DIAPH2: variants seen among roughly 807,000 people sequenced by gnomAD.
The protein encoded by DIAPH2 is diaphanous related formin 2.
Under a neutral mutation model 92.7 loss-of-function variants are expected in DIAPH2, and 35 were observed. The observed-to-expected ratio is 0.38, with a 90% confidence interval of 0.29 to 0.50. The LOEUF (loss-of-function observed/expected upper bound fraction) is 0.50. Among genes scored for constraint, DIAPH2 ranks in the 20% least tolerant of loss-of-function variants. The pLI, the probability that DIAPH2 is intolerant of heterozygous loss-of-function variation, is 0.94. For missense variants in DIAPH2, 701 were observed against 819.5 expected, an observed-to-expected ratio of 0.86 and a Z score of 1.77; for synonymous variants, 301 against 280.4, an observed-to-expected ratio of 1.07 and a Z score of -0.73.
At chrX:97,011,995 T>C (rs1202212194) in intron 17 of DIAPH2, among the ~76,000 whole-genome samples, 1 of 109,245 alleles carries the variant, frequency 9.2e-6, no homozygotes, top group Non-Finnish European at 1.9e-5. Context: ...TAAGGCACTG[T>C]TAGAGAATGA....
intron 26 of DIAPH2, among the ~76,000 whole-genome samples, chrX:97,582,300 G>A (rs1457957352): frequency 3.3e-5 from 2 of 59,707 alleles, no homozygotes; most frequent in African/African-American, 6.5e-5. Context: ...ATTTTGCAGC[G>A]GCTGGTACCG....
At chrX:97,302,387 C>T (rs1176486430) in intron 23 of DIAPH2, among the ~76,000 whole-genome samples, 2 of 105,676 alleles carry the variant, frequency 1.9e-5, no homozygotes, top group African/African-American at 3.5e-5. Flanking sequence ...AAAAATTAGC[C>T]GGGTGTGGTG....
At chrX:97,469,637 TG>T (rs2070545222) in intron 26 of DIAPH2, 5 of 1,093,833 alleles carry the variant, frequency 4.6e-6, no homozygotes, top group Non-Finnish European at 5.0e-6. Context: ...AGGTGCATTA[TG>T]TTTTTTTATT....
rs1366831926 is a variant in DIAPH2, at chrX:97,471,672, G to A, written c.3241+41927G>A. On this transcript the variant is annotated intron_variant, in intron 26 of 26. Coordinates refer to ENST00000324765, the MANE Select transcript of DIAPH2 (RefSeq NM_006729.5). The stretch of plus-strand genomic sequence containing the variant: ...GCCATTGCACTCCAGACTGGGCAAC[G>A]AGAGTGAAAATCCGTCTCAAAAAAA... Among the ~76,000 whole-genome samples the A allele has an allele frequency of 1.4e-4, 11 of 76,809 alleles. 1 individual carries two copies. Among genetic ancestry groups the A allele is most frequent in the Admixed American group, 4.0e-4 (2 of 4,979 alleles). The allele number at this position is 76,809 out of a possible 115,157, so 66.7% of individuals were successfully genotyped here.
chrX:97,401,282 C>T (rs181666495), intron 25 of DIAPH2, among the ~76,000 whole-genome samples: 26 of 110,750 alleles, frequency 2.3e-4, no homozygotes, highest in African/African-American at 8.2e-4. Context: ...CAGTGTTCCT[C>T]GTGTGTTCTG....
chrX:97,383,146 T>C (rs1224593957), intron 24 of DIAPH2, among the ~76,000 whole-genome samples: 1 of 112,264 alleles, frequency 8.9e-6, no homozygotes, highest in Non-Finnish European at 1.9e-5. Context: ...ACAAATAATC[T>C]ATCCAAAATA....
chrX:96,765,665 G>A (rs374417852), intron 4 of DIAPH2, among the ~76,000 whole-genome samples: 1 of 111,191 alleles, frequency 9.0e-6, no homozygotes, highest in South Asian at 3.8e-4. Flanking sequence ...GGCATCCACT[G>A]GGTGTCTTGG....
chrX:96,730,564 T>C (rs2064047822), intron 1 of DIAPH2, among the ~76,000 whole-genome samples: 1 of 111,794 alleles, frequency 8.9e-6, no homozygotes, highest in Admixed American at 9.5e-5. Context: ...CCCTGAATCA[T>C]TGGTTGATGT....
intron 4 of DIAPH2, among the ~76,000 whole-genome samples, chrX:96,802,920 C>G (rs6615867): frequency 0.1 from 11,436 of 111,356 alleles, 541 homozygotes; most frequent in East Asian, 0.32. Flanking sequence ...AGTCCAAAAG[C>G]TGAAGAGCTT....
intron 14 of DIAPH2, among the ~76,000 whole-genome samples, chrX:96,946,841 G>C (rs896754534): frequency 2.7e-5 from 3 of 111,599 alleles, no homozygotes; most frequent in African/African-American, 9.8e-5. Flanking sequence ...TAAAGTAATA[G>C]AAAAGAAATT....
chrX:96,894,257 T>G (rs2065327698), intron 5 of DIAPH2, among the ~76,000 whole-genome samples: 1 of 109,990 alleles, frequency 9.1e-6, no homozygotes, highest in Non-Finnish European at 1.9e-5. Flanking sequence ...TGCTACAGTT[T>G]TTTTTTTTTT....
chrX:97,161,352 G>C (rs1198250588), intron 22 of DIAPH2, among the ~76,000 whole-genome samples: 2 of 110,989 alleles, frequency 1.8e-5, no homozygotes, highest in South Asian at 3.8e-4. Flanking sequence ...GTTCCAATTA[G>C]GTAAAAATGA....
intron 17 of DIAPH2, among the ~76,000 whole-genome samples, chrX:97,015,787 G>GAA (rs397966972): frequency 9.5e-4 from 32 of 33,542 alleles, no homozygotes; most frequent in African/African-American, 1.7e-3. Flanking sequence ...GACGCCATCT[G>GAA]AAAAAAAAAA....
At chrX:97,215,865 T>C (rs1429914887) in intron 22 of DIAPH2, among the ~76,000 whole-genome samples, 2 of 112,427 alleles carry the variant, frequency 1.8e-5, no homozygotes, top group Non-Finnish European at 3.8e-5. Context: ...AGTTTATAGC[T>C]GACATACTTT....
intron 1 of DIAPH2, among the ~76,000 whole-genome samples, chrX:96,725,293 A>G (rs1289027629): frequency 1.8e-5 from 2 of 112,158 alleles, no homozygotes; most frequent in African/African-American, 3.2e-5. Context: ...AAACTATTTA[A>G]GGAACATTAT....
intron 21 of DIAPH2, among the ~76,000 whole-genome samples, chrX:97,120,504 G>A: frequency 9.2e-6 from 1 of 109,137 alleles, no homozygotes; most frequent in Admixed American, 9.9e-5. Context: ...GCCTCCGCAC[G>A]CTTCTCTGTC....
intron 1 of DIAPH2, among the ~76,000 whole-genome samples, chrX:96,712,299 C>CT (rs781576968): frequency 1.8e-5 from 2 of 110,477 alleles, no homozygotes; most frequent in African/African-American, 6.6e-5. Flanking sequence ...TTTTTTCATC[C>CT]TTTTTTTTCT....
chrX:96,927,282 ATT>A (rs5903060), intron 9 of DIAPH2, among the ~76,000 whole-genome samples: 70 of 82,097 alleles, frequency 8.5e-4, no homozygotes, highest in Admixed American at 2.0e-3. Flanking sequence ...CTGGAGTTGA[ATT>A]TTTTTTTTTT....
rs1320000116 is a variant in DIAPH2 at position 97,582,688 on chromosome X, G to A, written c.3242-16565G>A. ...TCTTCTCGAGGAGTATCTTTGTGGCGTTCTCTGTATTTCCTGAATCTGAAC... is the reference window on the plus strand; with the variant it reads ...TCTTCTCGAGGAGTATCTTTGTGGCATTCTCTGTATTTCCTGAATCTGAAC... On this transcript the variant is annotated intron_variant, in intron 26 of 26. Transcript: ENST00000324765. 8.3e-5 allele frequency among the ~76,000 whole-genome samples: 9 copies of A among 107,859 alleles called. No individual in the cohort carries two copies. The East Asian group carries it at 1.2e-3, about 14-fold the overall frequency. The allele number at this position is 107,859 out of a possible 115,157, so 93.7% of individuals were successfully genotyped here.
Sources: allele counts gnomAD v4.1 joint callset (sites outside exome capture counted in the v4.1 genomes callset), GRCh38; gene constraint gnomAD v4.1.1; transcripts MANE v1.5; gene names NCBI Gene and HGNC (gene_info 2026-07-23, HGNC 2026-07-21).